The following PDE4D variants were observed in gnomAD, a reference collection of about 807,000 sequenced individuals.
The protein encoded by PDE4D is 3',5'-cyclic-AMP phosphodiesterase 4D.
In PDE4D, 24 loss-of-function variants were observed where a neutral mutation model predicts 87.4. That is an observed-to-expected ratio of 0.27 (90% confidence interval 0.20 to 0.39). The LOEUF (loss-of-function observed/expected upper bound fraction) is 0.39. PDE4D is among the 10% of genes least tolerant of loss of function. The pLI, the probability that PDE4D is intolerant of heterozygous loss-of-function variation, is 1.00. For missense variants in PDE4D, 714 were observed against 1,041.0 expected, an observed-to-expected ratio of 0.69 and a Z score of 4.32; for synonymous variants, 384 against 383.2, an observed-to-expected ratio of 1.00 and a Z score of -0.02.
chr5:59,046,572 A>C (rs367776066), intron 5 of PDE4D, among the ~76,000 whole-genome samples: 73 of 151,890 alleles, frequency 4.8e-4, no homozygotes, highest in African/African-American at 1.6e-3. Context: ...TGTGCATATA[A>C]GAGAAAGGAG....
intron 1 of PDE4D, among the ~76,000 whole-genome samples, chr5:59,856,770 T>C (rs1745505438): frequency 1.3e-5 from 2 of 151,996 alleles, no homozygotes; most frequent in Non-Finnish European, 2.9e-5. Flanking sequence ...CAACAAGGAG[T>C]CTTAAAATGC....
chr5:60,352,719 A>G (rs1759309323), intron 1 of PDE4D, among the ~76,000 whole-genome samples: 1 of 152,242 alleles, frequency 6.6e-6, no homozygotes, highest in East Asian at 1.9e-4. Flanking sequence ...GCTTCAAAGT[A>G]CAGTTCAAGG....
At chr5:59,742,761 T>C (rs769687288) in intron 1 of PDE4D, among the ~76,000 whole-genome samples, 7 of 152,190 alleles carry the variant, frequency 4.6e-5, no homozygotes, top group Non-Finnish European at 1.0e-4. Context: ...TTTGCAAAAA[T>C]AGTCATTCTA....
At chr5:60,076,280 T>C (rs2152900012) in intron 2 of PDE4D, among the ~76,000 whole-genome samples, 1 of 152,222 alleles carries the variant, frequency 6.6e-6, no homozygotes, top group Non-Finnish European at 1.5e-5. Context: ...TGCCTCAGCC[T>C]CCCGAGTAGC....
chr5:59,381,264 A>G (rs1473488995), intron 1 of PDE4D, among the ~76,000 whole-genome samples: 1 of 152,146 alleles, frequency 6.6e-6, no homozygotes, highest in Non-Finnish European at 1.5e-5. Flanking sequence ...TAGCTTGATA[A>G]TATCAACTCC....
intron 1 of PDE4D, among the ~76,000 whole-genome samples, chr5:59,305,262 A>G (rs1484008842): frequency 6.6e-6 from 1 of 151,880 alleles, no homozygotes; most frequent in African/African-American, 2.4e-5. Context: ...TTCTTAGTGA[A>G]GTTATTTGGA....
At chr5:59,184,242 C>T (rs1022178853) in intron 4 of PDE4D, among the ~76,000 whole-genome samples, 4 of 152,146 alleles carry the variant, frequency 2.6e-5, no homozygotes, top group African/African-American at 9.7e-5. Context: ...CAATAGCTTG[C>T]ATTGTTACAT....
chr5:59,179,618 CACAA>C (rs1561641842), intron 5 of PDE4D: 1 of 439,364 alleles, frequency 2.3e-6, no homozygotes, highest in East Asian at 6.9e-5. Context: ...ATGTGGTGAC[CACAA>C]ACACAGACAG....
intron 1 of PDE4D, among the ~76,000 whole-genome samples, chr5:59,769,538 G>C (rs544941786): frequency 2.0e-5 from 3 of 152,280 alleles, no homozygotes; most frequent in South Asian, 4.1e-4. Context: ...GTGATGAATA[G>C]AGCTTCAACA....
chr5:60,253,982 G>T (rs1007264478), intron 1 of PDE4D, among the ~76,000 whole-genome samples: 2 of 151,856 alleles, frequency 1.3e-5, no homozygotes, highest in Non-Finnish European at 2.9e-5. Flanking sequence ...AAAGTTTCTT[G>T]TTTCTGAAAA....
intron 2 of PDE4D, among the ~76,000 whole-genome samples, chr5:60,090,405 T>G (rs936877642): frequency 1.3e-5 from 2 of 152,162 alleles, no homozygotes; most frequent in Admixed American, 6.5e-5. Flanking sequence ...ATACATTGTA[T>G]CAACAGAATG....
chr5:59,501,889 A>G (rs942796713), intron 1 of PDE4D, among the ~76,000 whole-genome samples: 5 of 152,082 alleles, frequency 3.3e-5, no homozygotes, highest in Non-Finnish European at 5.9e-5. Flanking sequence ...TAATGGGTAA[A>G]TTTATGGATG....
In PDE4D at chr5:59,635,194, G is replaced by C. The variant is rs561184442; in HGVS notation, c.455+257974C>G. Among the ~76,000 whole-genome samples the C allele has an allele frequency of 3.3e-5, 5 of 152,286 alleles. No individual in the cohort carries two copies. In the East Asian group the frequency reaches 7.7e-4, roughly 23 times the overall value. Reference sequence around the variant, plus strand: ...CTTCCTAAGACTAAACCAGAAAGAAGTGGAATCCCTGAATAGACCAATAAC... The same window carrying C: ...CTTCCTAAGACTAAACCAGAAAGAACTGGAATCCCTGAATAGACCAATAAC... On this transcript the variant is annotated intron_variant, in intron 1 of 14. Transcript: ENST00000340635.
chr5:59,475,764 C>T (rs1422428731), intron 1 of PDE4D, among the ~76,000 whole-genome samples: 2 of 152,028 alleles, frequency 1.3e-5, no homozygotes, highest in African/African-American at 2.4e-5. Flanking sequence ...TTGTAGGGCT[C>T]AGGCTTGTTG....
intron 2 of PDE4D, among the ~76,000 whole-genome samples, chr5:60,142,578 A>AAC (rs1213397801): frequency 2.0e-5 from 3 of 152,216 alleles, no homozygotes; most frequent in Non-Finnish European, 4.4e-5. Context: ...CACCAGCATG[A>AAC]GCCAGGGTTC....
intron 1 of PDE4D, among the ~76,000 whole-genome samples, chr5:60,316,277 C>T (rs553433651): frequency 6.6e-6 from 1 of 152,166 alleles, no homozygotes; most frequent in South Asian, 2.1e-4. Context: ...CATGATTTGG[C>T]TCTCTGTTTG....
intron 1 of PDE4D, among the ~76,000 whole-genome samples, chr5:59,233,968 T>G (rs533357039): frequency 2.6e-5 from 4 of 152,148 alleles, no homozygotes; most frequent in Non-Finnish European, 5.9e-5. Context: ...AAATTCATGG[T>G]GAGGCTATTC....
At chr5:60,030,150 T>C (rs1767077762) in intron 2 of PDE4D, among the ~76,000 whole-genome samples, 1 of 152,160 alleles carries the variant, frequency 6.6e-6, no homozygotes, top group African/African-American at 2.4e-5. Flanking sequence ...AGCCAAACAC[T>C]GCTTAAAGAG....
chr5:59,640,529 T>C (rs1741399440), intron 1 of PDE4D, among the ~76,000 whole-genome samples: 1 of 152,238 alleles, frequency 6.6e-6, no homozygotes, highest in Admixed American at 6.5e-5. Flanking sequence ...GCCTTTGTGC[T>C]ACAATGGCTG....
Sources: allele counts gnomAD v4.1 joint callset (sites outside exome capture counted in the v4.1 genomes callset), GRCh38; gene constraint gnomAD v4.1.1; transcripts MANE v1.5; gene names NCBI Gene and HGNC (gene_info 2026-07-23, HGNC 2026-07-21).